WDR62: variants seen among roughly 807,000 people sequenced by gnomAD.
WDR62 encodes WD repeat-containing protein 62.
Under a neutral mutation model 160.6 loss-of-function variants are expected in WDR62, and 112 were observed. The observed-to-expected ratio is 0.70, with a 90% confidence interval of 0.60 to 0.82. WDR62 has a LOEUF of 0.82. WDR62 is among the 40% of genes least tolerant of loss of function. WDR62 has a pLI of 0.00. For missense variants in WDR62, 1,819 were observed against 1,983.8 expected (o/e 0.92, Z 1.58); for synonymous variants, 792 against 815.1 (o/e 0.97, Z 0.48).
At position 36,102,094 on chromosome 19, in the gene WDR62, G is replaced by A. The variant is rs1050959762; in HGVS notation, c.3163G>A (p.Glu1055Lys). Residue 1055 changes from glutamate (E) to lysine (K), a missense_variant, in exon 26 of 32, where the codon GAG becomes AAG. Transcript: ENST00000401500. ...CAGCAGCTCCCTACCCCAGACTCCG[G>A]AGCAGGAGAAGTTCCTCCGCCACCA... ...VPSSSLPQTP[E>K]QEKFLRHHFE... is the part of the protein sequence containing the mutation. 1.9e-6 allele frequency: 3 copies of A among 1,614,014 alleles called. No individual in the cohort carries two copies. Among genetic ancestry groups the A allele is most frequent in the African/African-American group, 2.7e-5 (2 of 74,920 alleles).
At chr19:36,074,080 C>CT in intron 9 of WDR62, 1 of 280,690 alleles carries the variant, frequency 3.6e-6, no homozygotes, top group Non-Finnish European at 7.0e-6. Context: ...GGGAGGATCA[C>CT]TTGAGTCCAG....
At chr19:36,100,908 TGGA>T in intron 23 of WDR62, 33 bp downstream of exon 23, 1 of 1,613,792 alleles carries the variant, frequency 6.2e-7, no homozygotes. Context: ...GAGCCTTAGT[TGGA>T]GGAACCCCCA....
rs762071233 is a variant in WDR62 at position 36,055,285 on chromosome 19, AC to A, written c.177+142del. On this transcript the variant is annotated intron_variant, in intron 1 of 31. Coordinates refer to ENST00000401500, the MANE Select transcript of WDR62 (RefSeq NM_001083961.2). The stretch of plus-strand genomic sequence containing the variant: ...GTTCCCTGCCATGCCTCGTCCCCTA[AC>A]CCCCGCCCCTTTAGCCACGGCCCCT... 4 of 856,800 alleles carry A rather than the reference AC, an allele frequency of 4.7e-6. No homozygotes were observed. In the African/African-American group the frequency reaches 6.8e-5, roughly 15 times the overall value. The allele number at this position is 856,800 out of a possible 1,614,324, so 53.1% of individuals were successfully genotyped here. A position where few individuals can be genotyped will look rare whatever the true frequency, so the allele number is the denominator to read the frequency against.
intron 13 of WDR62, among the ~76,000 whole-genome samples, chr19:36,088,434 G>A (rs576352703): frequency 3.0e-4 from 45 of 152,324 alleles, no homozygotes; most frequent in African/African-American, 8.7e-4. Flanking sequence ...TGTACGGACC[G>A]GAAGTTGAGG....
chr19:36,068,506 C>G (rs1047271536), intron 7 of WDR62, among the ~76,000 whole-genome samples: 3 of 152,198 alleles, frequency 2.0e-5, no homozygotes, highest in Non-Finnish European at 4.4e-5. Context: ...ACCCTGCGGG[C>G]TTCCGCAGTG....
At chr19:36,098,872 G>A (rs1973139644) in intron 21 of WDR62, among the ~76,000 whole-genome samples, 1 of 152,154 alleles carries the variant, frequency 6.6e-6, no homozygotes, top group Admixed American at 6.5e-5. Context: ...GATTCCTTGA[G>A]CCCAAGGGTT....
At chr19:36,083,028 T>C (rs780408951) in intron 10 of WDR62, 35 bp from the exon 11 acceptor site, 24 of 1,595,946 alleles carry the variant, frequency 1.5e-5, no homozygotes, top group Non-Finnish European at 2.0e-5. Flanking sequence ...GCTTCTGAGC[T>C]GCTCGTGCTG....
At chr19:36,073,299 CAG>C in intron 8 of WDR62, 41 bp from the exon 9 acceptor site, 1 of 1,559,198 alleles carries the variant, frequency 6.4e-7, no homozygotes, top group South Asian at 1.1e-5. Context: ...TGTCACTACT[CAG>C]TGACATTGAT....
At chr19:36,072,428 G>A (rs555307309) in intron 8 of WDR62, among the ~76,000 whole-genome samples, 2 of 152,308 alleles carry the variant, frequency 1.3e-5, no homozygotes, top group East Asian at 3.9e-4. Context: ...TCAGGTCAGT[G>A]GGCAGTTGCT....
chr19:36,106,046 C>T (rs1478772308), downstream of WDR62, among the ~76,000 whole-genome samples: 1 of 152,208 alleles, frequency 6.6e-6, no homozygotes, highest in East Asian at 1.9e-4. Context: ...GAAACCCAGG[C>T]AGGCTTGCCC....
intron 21 of WDR62, 35 bp from the exon 22 acceptor site, chr19:36,099,364 T>C (rs1973179326): frequency 6.3e-7 from 1 of 1,592,970 alleles, no homozygotes; most frequent in Non-Finnish European, 8.6e-7. Context: ...GAGTGAGCAC[T>C]CAGCCAGTTG....
Position 36,102,029 on chromosome 19 carries a change from CAGA to C in WDR62, c.3102_3104del (p.Glu1034del), listed in dbSNP as rs1348735298. On this transcript the variant is annotated inframe_deletion, in exon 26 of 32. Coordinates refer to ENST00000401500, the MANE Select transcript of WDR62 (RefSeq NM_001083961.2). The stretch of plus-strand genomic sequence containing the variant: ...TCCCTGTCAGGATGCGCAGGTCCCA[CAGA>C]AGATGAGCTGTCCCTGCCCGAGGGA... 2 of 1,614,192 alleles carry C rather than the reference CAGA, an allele frequency of 1.2e-6. No individual in the cohort carries two copies. Among genetic ancestry groups the C allele is most frequent in the East Asian group, 4.5e-5 (2 of 44,878 alleles).
At chr19:36,067,487 C>A in intron 6 of WDR62, 44 bp downstream of exon 6, 1 of 1,613,046 alleles carries the variant, frequency 6.2e-7, no homozygotes, top group Middle Eastern at 1.8e-4. Flanking sequence ...CTGAGGGAGT[C>A]ACCATCGGTG....
intron 23 of WDR62, 146 bp downstream of exon 23, chr19:36,101,021 G>A (rs749510169): frequency 5.0e-6 from 7 of 1,396,306 alleles, no homozygotes; most frequent in Non-Finnish European, 7.0e-6. Context: ...CCCAGCCTTA[G>A]TTCCCTGGTT....
chr19:36,055,959 A>G (rs374106220), intron 1 of WDR62, among the ~76,000 whole-genome samples: 114 of 152,284 alleles, frequency 7.5e-4, no homozygotes, highest in African/African-American at 2.7e-3. Flanking sequence ...ACCTGAGATC[A>G]GTTCAAGACC....
intron 12 of WDR62, 54 bp downstream of exon 12, chr19:36,084,798 G>C: frequency 4.5e-6 from 7 of 1,542,206 alleles, no homozygotes; most frequent in Middle Eastern, 3.9e-4. Flanking sequence ...AGCCCCCCTG[G>C]CAGGGCCACA....
At chr19:36,073,310 A>G in intron 8 of WDR62, 32 bp from the exon 9 acceptor site, 1 of 1,611,230 alleles carries the variant, frequency 6.2e-7, no homozygotes, top group Non-Finnish European at 8.5e-7. Context: ...AGTGACATTG[A>G]TGGTGATTGA....
intron 23 of WDR62, 75 bp from the exon 24 acceptor site, chr19:36,101,139 G>A: frequency 7.1e-7 from 1 of 1,412,386 alleles, no homozygotes; most frequent in Non-Finnish European, 9.8e-7. Context: ...AGGTGCCTAG[G>A]GGCTCCGGGT....
the WDR62 span, chr19:36,111,132 T>G: frequency 1.3e-5 from 17 of 1,301,806 alleles, no homozygotes; most frequent in Non-Finnish European, 1.7e-5. Flanking sequence ...CCACCAGGGA[T>G]AGTCATCCTG....
Sources: allele counts gnomAD v4.1 joint callset (sites outside exome capture counted in the v4.1 genomes callset), GRCh38; gene constraint gnomAD v4.1.1; transcripts MANE v1.5; gene names NCBI Gene and HGNC (gene_info 2026-07-23, HGNC 2026-07-21).